Variants in SHISA9 observed in about 807,000 individuals in gnomAD.
SHISA9 encodes the protein shisa family member 9, also known as protein shisa-9.
Under a neutral mutation model 38.0 loss-of-function variants are expected in SHISA9, and 13 were observed. The ratio of observed to expected loss-of-function variants is 0.34; its 90% CI spans 0.22 to 0.54. SHISA9 has a LOEUF of 0.54. SHISA9 is among the 20% of genes least tolerant of loss of function. The probability of loss-of-function intolerance (pLI) is 0.91; values close to 1 mark genes in which losing one functional copy is unlikely to be tolerated. For synonymous variants in SHISA9, 275 were observed against 242.0 expected, an observed-to-expected ratio of 1.14 and a Z score of -1.27; for missense variants, 538 against 575.8, an observed-to-expected ratio of 0.93 and a Z score of 0.67.
the SHISA9 span, among the ~76,000 whole-genome samples, chr16:13,407,070 CAAAAAAA>C: frequency 2.2e-5 from 1 of 45,594 alleles, no homozygotes; most frequent in African/African-American, 8.8e-5. Context: ...CTCTGTCTCA[CAAAAAAA>C]AAAAAAAAAA....
At chr16:13,557,216 T>A in the SHISA9 span, among the ~76,000 whole-genome samples, 1 of 152,348 alleles carries the variant, frequency 6.6e-6, no homozygotes, top group South Asian at 2.1e-4. Context: ...TGAATTCAAA[T>A]CTCTTGCACT....
At chr16:13,019,755 T>TTTTCTTTCTTTTCTTTCTTTC (rs1567183725) in intron 2 of SHISA9, among the ~76,000 whole-genome samples, 1 of 149,442 alleles carries the variant, frequency 6.7e-6, no homozygotes, top group Admixed American at 6.7e-5. Context: ...CCTTCTTTTC[T>TTTTCTTTCTTTTCTTTCTTTC]TTTCTTTCTT....
the SHISA9 span, among the ~76,000 whole-genome samples, chr16:13,321,264 C>T: frequency 1.3e-5 from 2 of 152,194 alleles, no homozygotes; most frequent in Non-Finnish European, 2.9e-5. Flanking sequence ...GGTCAGAGAT[C>T]ATGTCCCAGT....
chr16:13,079,676 G>A (rs1346279342), intron 2 of SHISA9, among the ~76,000 whole-genome samples: 1 of 152,046 alleles, frequency 6.6e-6, no homozygotes, highest in African/African-American at 2.4e-5. Context: ...CATTCCCCTT[G>A]ATTTGCCTAA....
chr16:13,103,987 GA>G (rs1490721223), intron 2 of SHISA9, among the ~76,000 whole-genome samples: 1 of 152,090 alleles, frequency 6.6e-6, no homozygotes, highest in African/African-American at 2.4e-5. Context: ...AGAGTCCTAC[GA>G]AAACACAGCC....
the SHISA9 span, among the ~76,000 whole-genome samples, chr16:13,365,454 C>CTTTTTTTTTT: frequency 8.9e-6 from 1 of 112,522 alleles, no homozygotes; most frequent in African/African-American, 3.5e-5. Context: ...GAGTATACCT[C>CTTTTTTTTTT]TTTTTTTTTT....
At chr16:13,036,353 G>A (rs1241353168) in intron 2 of SHISA9, among the ~76,000 whole-genome samples, 1 of 152,178 alleles carries the variant, frequency 6.6e-6, no homozygotes, top group African/African-American at 2.4e-5. Context: ...ATTATGCAGA[G>A]AGGAAGAAGG....
chr16:13,207,480 A>AT (rs1452416967), intron 3 of SHISA9, among the ~76,000 whole-genome samples: 2 of 150,122 alleles, frequency 1.3e-5, no homozygotes, highest in Non-Finnish European at 3.0e-5. Flanking sequence ...TAAAAAAAAA[A>AT]GGAATAGCTT....
At chr16:13,455,774 C>G in the SHISA9 span, among the ~76,000 whole-genome samples, 1 of 152,158 alleles carries the variant, frequency 6.6e-6, no homozygotes, top group African/African-American at 2.4e-5. Context: ...GTGAACCACC[C>G]TAACCGCAGC....
chr16:13,101,323 T>TTTA (rs2073876916), intron 2 of SHISA9, among the ~76,000 whole-genome samples: 1 of 152,258 alleles, frequency 6.6e-6, no homozygotes, highest in Non-Finnish European at 1.5e-5. Context: ...GTTAATTAGC[T>TTTA]TTATTGTATC....
At chr16:13,042,276 C>T (rs1381474157) in intron 2 of SHISA9, among the ~76,000 whole-genome samples, 1 of 152,166 alleles carries the variant, frequency 6.6e-6, no homozygotes, top group Non-Finnish European at 1.5e-5. Flanking sequence ...TCGTTACCTG[C>T]CCCTCAGTAA....
intron 2 of SHISA9, among the ~76,000 whole-genome samples, chr16:13,188,301 G>A (rs8059579): frequency 0.35 from 53,627 of 152,090 alleles, 9,894 homozygotes; most frequent in East Asian, 0.46. Flanking sequence ...GACACAGCAG[G>A]TGCCTGCAAA....
chr16:13,125,910 G>T (rs1204148041), intron 2 of SHISA9, among the ~76,000 whole-genome samples: 2 of 152,196 alleles, frequency 1.3e-5, no homozygotes, highest in Non-Finnish European at 2.9e-5. Context: ...TAGCTGGTTG[G>T]TATCTAACAT....
chr16:13,069,316 T>C (rs2073480024), intron 2 of SHISA9, among the ~76,000 whole-genome samples: 1 of 152,102 alleles, frequency 6.6e-6, no homozygotes, highest in African/African-American at 2.4e-5. Flanking sequence ...TGTGTATACA[T>C]GTACACACAA....
At chr16:13,168,729 G>C (rs1304682168) in intron 2 of SHISA9, among the ~76,000 whole-genome samples, 1 of 152,208 alleles carries the variant, frequency 6.6e-6, no homozygotes, top group African/African-American at 2.4e-5. Context: ...TTCTCTAGCA[G>C]GCTAGGAGCC....
chr16:13,278,901 T>C, the SHISA9 span, among the ~76,000 whole-genome samples: 44 of 152,090 alleles, frequency 2.9e-4, no homozygotes, highest in African/African-American at 9.9e-4. Flanking sequence ...ATTTTTTTGG[T>C]TTCAATTTCA....
At chr16:13,385,402 C>CA in the SHISA9 span, among the ~76,000 whole-genome samples, 1,554 of 151,856 alleles carry the variant, frequency 0.01, 28 homozygotes, top group African/African-American at 0.036. Context: ...AGATGCCCTT[C>CA]AAGGGGGAAA....
chr16:12,961,515 C>A (rs764439666), intron 2 of SHISA9, among the ~76,000 whole-genome samples: 17 of 152,134 alleles, frequency 1.1e-4, no homozygotes, highest in Non-Finnish European at 1.8e-4. Context: ...ATGGCACGCT[C>A]TGCAGATGTA....
At chr16:13,065,118 T>C (rs905878925) in intron 2 of SHISA9, among the ~76,000 whole-genome samples, 2 of 152,212 alleles carry the variant, frequency 1.3e-5, no homozygotes, top group African/African-American at 4.8e-5. Flanking sequence ...TCCCAGACCA[T>C]GGTCCTCACC....
Sources: gnomAD v4.1 joint callset for allele counts (sites outside exome capture counted in the v4.1 genomes callset) on GRCh38, gnomAD v4.1.1 for gene constraint, MANE v1.5 for transcripts, NCBI Gene and HGNC (gene_info 2026-07-23, HGNC 2026-07-21) for gene names.